The following PCDHA13 variants were observed in gnomAD, a reference collection of about 807,000 sequenced individuals.
PCDHA13 encodes the protein protocadherin alpha-13.
PCDHA13 carries 54 observed loss-of-function variants against 64.8 expected under a neutral mutation model. The ratio of observed to expected loss-of-function variants is 0.83; its 90% CI spans 0.67 to 1.04. PCDHA13 has a LOEUF of 1.04. Ranked by LOEUF, PCDHA13 falls within the 50% of genes least tolerant of loss-of-function variation. PCDHA13 has a pLI of 0.00. For synonymous variants in PCDHA13, 587 were observed against 564.4 expected (o/e 1.04, Z -0.57); for missense variants, 1,248 against 1,254.3 (o/e 0.99, Z 0.08).
Position 140,882,705 on chromosome 5 carries a change from G to T in PCDHA13, c.437G>T (p.Arg146Ile). The change falls in exon 1 of 4, where the codon AGA becomes ATA. Residue 146 changes from arginine to isoleucine, a missense_variant. Physicochemically the swap from Arg to Ile is moderately conservative, Grantham distance 97. Coordinates refer to ENST00000289272, the MANE Select transcript of PCDHA13 (RefSeq NM_018904.3). Reference sequence around the variant, plus strand: ...AAACGAATAATCATTGCAGAATCTAGACCTCCGGAAACTCGATTTCCACTA... The same window carrying T: ...AAACGAATAATCATTGCAGAATCTATACCTCCGGAAACTCGATTTCCACTA... ...SKKRIIIAES[R>I]PPETRFPLDG... is the part of the protein sequence containing the mutation. 1 of 1,614,172 alleles carries T rather than the reference G, an allele frequency of 6.2e-7. No homozygotes were observed. The highest frequency in any genetic ancestry group is 1.1e-5 in the South Asian group (1 of 91,084).
chr5:140,928,012 A>G (rs2084863036), intron 1 of PCDHA13: 2 of 1,614,190 alleles, frequency 1.2e-6, no homozygotes, highest in African/African-American at 2.7e-5. Context: ...TTCTAATGGT[A>G]GGGTCATTTG....
intron 1 of PCDHA13, among the ~76,000 whole-genome samples, chr5:140,906,368 T>C (rs1554192499): frequency 1.3e-5 from 2 of 152,198 alleles, no homozygotes. Flanking sequence ...CCAACCCAAA[T>C]GCTATTACAT....
At chr5:140,966,470 T>G (rs782674249) in intron 1 of PCDHA13, 26 of 431,180 alleles carry the variant, frequency 6.0e-5, no homozygotes, top group Non-Finnish European at 9.3e-5. Context: ...TCTTCCCTTC[T>G]GTTTCCTTTT....
At chr5:140,898,676 G>C (rs1478380529) in intron 1 of PCDHA13, among the ~76,000 whole-genome samples, 3 of 152,036 alleles carry the variant, frequency 2.0e-5, no homozygotes, top group African/African-American at 4.8e-5. Context: ...GTTGCGGGCT[G>C]TTTTTTGGTT....
intron 1 of PCDHA13, among the ~76,000 whole-genome samples, chr5:140,960,717 TATTTTAGTCCATG>T (rs1244851083): frequency 3.3e-4 from 10 of 30,264 alleles, no homozygotes; most frequent in African/African-American, 2.5e-3. Flanking sequence ...ATACTCATCT[TATTTTAGTCCATG>T]ATTTTAGTCC....
chr5:140,988,528 T>C (rs1391489747), intron 3 of PCDHA13, among the ~76,000 whole-genome samples: 1 of 152,194 alleles, frequency 6.6e-6, no homozygotes, highest in African/African-American at 2.4e-5. Flanking sequence ...CTCTGCTGGC[T>C]CCATCCATTC....
At chr5:140,891,136 G>A (rs541876133) in intron 1 of PCDHA13, among the ~76,000 whole-genome samples, 1 of 152,068 alleles carries the variant, frequency 6.6e-6, no homozygotes, top group Non-Finnish European at 1.5e-5. Context: ...TTCCTTTAAA[G>A]GTATTCTGTT....
intron 3 of PCDHA13, among the ~76,000 whole-genome samples, chr5:140,987,825 G>A (rs1181525478): frequency 1.3e-5 from 2 of 151,894 alleles, no homozygotes; most frequent in Admixed American, 1.3e-4. Flanking sequence ...GTTTCCTTAG[G>A]GGATTGCTTT....
At position 141,010,023 on chromosome 5, in the gene PCDHA13, C is replaced by T. The variant is rs1196328903; in HGVS notation, c.*86C>T. Reference sequence around the variant, plus strand: ...TGTAGCAATTCCCTGCTCCTTTTTCCTATCTACATGAGCCCTCTTAGAGAC... The same window carrying T: ...TGTAGCAATTCCCTGCTCCTTTTTCTTATCTACATGAGCCCTCTTAGAGAC... On this transcript the variant is annotated 3_prime_UTR_variant, in exon 4 of 4. Transcript: ENST00000289272. 10 of 1,571,304 alleles carry T rather than the reference C, an allele frequency of 6.4e-6. No homozygotes were observed. Among genetic ancestry groups the T allele is most frequent in the Non-Finnish European group, 8.6e-6 (10 of 1,163,016 alleles).
chr5:140,972,290 C>T (rs1331683497), intron 1 of PCDHA13, among the ~76,000 whole-genome samples: 1 of 151,820 alleles, frequency 6.6e-6, no homozygotes, highest in African/African-American at 2.4e-5. Flanking sequence ...TAGATGTGCG[C>T]CACCGTGTCT....
chr5:140,958,162 C>A lies in PCDHA13; in HGVS notation c.2395-20787C>A, dbSNP rs574337485. Among the ~76,000 whole-genome samples the A allele has an allele frequency of 1.1e-4, 16 of 152,028 alleles. No homozygotes were observed. The South Asian group carries it at 3.3e-3, about 32-fold the overall frequency. Reference sequence around the variant, plus strand: ...ATATTTATATAGCATAGTCAAAAGCCTGGAGTGATATAAATTTTCTGTTAC... The same window carrying A: ...ATATTTATATAGCATAGTCAAAAGCATGGAGTGATATAAATTTTCTGTTAC... On this transcript the variant is annotated intron_variant, in intron 1 of 3. Coordinates refer to ENST00000289272, the MANE Select transcript of PCDHA13 (RefSeq NM_018904.3).
At chr5:141,006,415 G>C (rs185861703) in intron 3 of PCDHA13, among the ~76,000 whole-genome samples, 2 of 152,146 alleles carry the variant, frequency 1.3e-5, no homozygotes, top group African/African-American at 2.4e-5. Flanking sequence ...CGGTTTCACT[G>C]TGTTAGCCAG....
intron 1 of PCDHA13, among the ~76,000 whole-genome samples, chr5:140,895,037 C>G (rs28619398): frequency 6.6e-6 from 1 of 152,134 alleles, no homozygotes; most frequent in Non-Finnish European, 1.5e-5. Context: ...TTGTCCCCCA[C>G]CCACACCATT....
intron 1 of PCDHA13, chr5:140,927,356 G>C: frequency 6.2e-7 from 1 of 1,614,076 alleles, no homozygotes. Context: ...GACGAGGGAA[G>C]CAATGGGATA....
intron 1 of PCDHA13, among the ~76,000 whole-genome samples, chr5:140,952,792 T>C (rs2094798499): frequency 6.6e-6 from 1 of 152,210 alleles, no homozygotes; most frequent in African/African-American, 2.4e-5. Flanking sequence ...GAGGTTTAAC[T>C]GGCTCGCAGT....
At chr5:140,900,373 G>T (rs1225159327) in intron 1 of PCDHA13, among the ~76,000 whole-genome samples, 2 of 152,118 alleles carry the variant, frequency 1.3e-5, no homozygotes, top group Non-Finnish European at 2.9e-5. Flanking sequence ...TGCCTCCTGG[G>T]TTCAAGCGAT....
chr5:140,967,833 T>C, intron 1 of PCDHA13: 1 of 1,614,132 alleles, frequency 6.2e-7, no homozygotes, highest in Non-Finnish European at 8.5e-7. Context: ...GTGGACATCG[T>C]GGACGTGAAT....
chr5:141,005,701 CAAAAAAAAAAAAA>C (rs59860837), intron 3 of PCDHA13, among the ~76,000 whole-genome samples: 12 of 7,786 alleles, frequency 1.5e-3, no homozygotes, highest in Non-Finnish European at 2.7e-3. Context: ...AACTCCGTCT[CAAAAAAAAAAAAA>C]AAAAAAAAAA....
chr5:140,980,963 A>T (rs1047334103), intron 2 of PCDHA13, among the ~76,000 whole-genome samples: 8 of 152,224 alleles, frequency 5.3e-5, no homozygotes, highest in African/African-American at 1.9e-4. Context: ...TTACACCTTC[A>T]TGAATCTGAC....
Sources: gnomAD v4.1 joint callset for allele counts (sites outside exome capture counted in the v4.1 genomes callset) on GRCh38, gnomAD v4.1.1 for gene constraint, MANE v1.5 for transcripts, NCBI Gene and HGNC (gene_info 2026-07-23, HGNC 2026-07-21) for gene names.